Variants in ITGA1 observed in about 807,000 individuals in gnomAD.
The protein encoded by ITGA1 is integrin alpha-1.
Under a neutral mutation model 145.9 loss-of-function variants are expected in ITGA1, and 85 were observed. The observed-to-expected ratio is 0.58, with a 90% CI of 0.49 to 0.70. The LOEUF (loss-of-function observed/expected upper bound fraction) is 0.70. Among genes scored for constraint, ITGA1 ranks in the 30% least tolerant of loss-of-function variants. The pLI is 0.00. For missense variants in ITGA1, 1,351 were observed against 1,418.7 expected (o/e 0.95, Z 0.77); for synonymous variants, 520 against 495.3 (o/e 1.05, Z -0.66).
intron 28 of ITGA1, among the ~76,000 whole-genome samples, chr5:52,949,968 CTG>C (rs1751194044): frequency 6.6e-6 from 1 of 152,178 alleles, no homozygotes; most frequent in African/African-American, 2.4e-5. Context: ...GTCTGAGTCT[CTG>C]TGTAAGAGAC....
intron 15 of ITGA1, among the ~76,000 whole-genome samples, chr5:52,916,421 G>A (rs563537311): frequency 3.9e-5 from 6 of 152,132 alleles, no homozygotes; most frequent in South Asian, 4.2e-4. Context: ...ACTGTAATTC[G>A]GGTGGAAACA....
chr5:52,931,563 TA>T (rs1271968558), intron 21 of ITGA1: 1 of 152,302 alleles, frequency 6.6e-6, no homozygotes, highest in Non-Finnish European at 1.5e-5. Flanking sequence ...ATGGAAAGAC[TA>T]TTAAAGAAGA....
intron 7 of ITGA1, 42 bp downstream of exon 7, chr5:52,882,063 A>G (rs1749969822): frequency 6.8e-7 from 1 of 1,468,312 alleles, no homozygotes; most frequent in Non-Finnish European, 9.1e-7. Flanking sequence ...AGACTGCAAA[A>G]ATAACTGCTC....
At chr5:52,817,980 A>G (rs1748804547) in intron 1 of ITGA1, among the ~76,000 whole-genome samples, 1 of 152,188 alleles carries the variant, frequency 6.6e-6, no homozygotes, top group South Asian at 2.1e-4. Flanking sequence ...CACAGACAAT[A>G]GTAAATAATA....
chr5:52,898,408 A>C (rs1308211778), intron 11 of ITGA1, 25 bp downstream of exon 11: 3 of 1,558,450 alleles, frequency 1.9e-6, no homozygotes, highest in Non-Finnish European at 2.6e-6. Context: ...TAATTATAAA[A>C]GAGTTGTTTT....
At chr5:52,928,422 T>G (rs1372526079) in intron 20 of ITGA1, among the ~76,000 whole-genome samples, 1 of 152,174 alleles carries the variant, frequency 6.6e-6, no homozygotes, top group South Asian at 2.1e-4. Context: ...AATTGCCTTA[T>G]TGAGATATAA....
In ITGA1 at chr5:52,851,206, C is replaced by T. The variant is rs1045603548; in HGVS notation, c.182+1721C>T. 1.3e-5 allele frequency among the ~76,000 whole-genome samples: 2 copies of T among 151,956 alleles called. 1 individual carries two copies. The highest frequency in any genetic ancestry group is 4.2e-4 in the South Asian group (2 of 4,808). On this transcript the variant is annotated intron_variant, in intron 2 of 28. Transcript: ENST00000282588. ...TTTTCAATTTCTGATATCAGAAAAA[C>T]CTGTATGTTTTCTTTCTTATCCAGT...
At chr5:52,876,695 A>G (rs1749872582) in intron 6 of ITGA1, among the ~76,000 whole-genome samples, 1 of 152,232 alleles carries the variant, frequency 6.6e-6, no homozygotes, top group Admixed American at 6.5e-5. Flanking sequence ...AGAGAATATC[A>G]AAAGCCATGA....
chr5:52,824,279 T>C, intron 1 of ITGA1: 1 of 151,078 alleles, frequency 6.6e-6, no homozygotes, highest in Non-Finnish European at 1.5e-5. Flanking sequence ...AGAAGATTGT[T>C]CTCTCTTTTC....
chr5:52,910,068 G>A, intron 13 of ITGA1, 94 bp from the exon 14 acceptor site: 2 of 1,175,888 alleles, frequency 1.7e-6, no homozygotes, highest in Non-Finnish European at 2.4e-6. Flanking sequence ...TGTACAAATG[G>A]CTGTTAATAG....
At chr5:52,951,812 T>C (rs10471825) in intron 28 of ITGA1, among the ~76,000 whole-genome samples, 3,736 of 152,282 alleles carry the variant, frequency 0.025, 164 homozygotes, top group African/African-American at 0.085. Context: ...TCTCCCAAAA[T>C]ATTTTCCCAG....
rs544968285 is a variant in ITGA1 at position 52,924,988 on chromosome 5, A to G, written c.2404-290A>G. On this transcript the variant is annotated intron_variant, in intron 18 of 28. Coordinates refer to ENST00000282588, the MANE Select transcript of ITGA1 (RefSeq NM_181501.2). ...TAGATCTTGCAGTACTTGACTTTGT[A>G]TTTCAAAACTGTCCTTCCCTGGCAG... 6.6e-5 allele frequency among the ~76,000 whole-genome samples: 10 copies of G among 152,322 alleles called. No individual in the cohort carries two copies. In the East Asian group the frequency reaches 1.3e-3, roughly 21 times the overall value.
chr5:52,941,989 C>T, intron 26 of ITGA1, among the ~76,000 whole-genome samples: 1 of 152,142 alleles, frequency 6.6e-6, no homozygotes, highest in East Asian at 1.9e-4. Flanking sequence ...CATTCTTCTG[C>T]ATATGGCTAG....
At chr5:52,945,688 C>G (rs945109819) in intron 27 of ITGA1, among the ~76,000 whole-genome samples, 1 of 152,142 alleles carries the variant, frequency 6.6e-6, no homozygotes, top group Non-Finnish European at 1.5e-5. Flanking sequence ...TGATCTCCCC[C>G]CTTCTCATGG....
intron 18 of ITGA1, among the ~76,000 whole-genome samples, chr5:52,924,126 T>C (rs1750768692): frequency 6.6e-6 from 1 of 152,136 alleles, no homozygotes. Context: ...GAATTCTTTT[T>C]CCCCATACAC....
At chr5:52,836,919 A>T (rs1490039026) in intron 1 of ITGA1, among the ~76,000 whole-genome samples, 8 of 152,180 alleles carry the variant, frequency 5.3e-5, no homozygotes, top group Non-Finnish European at 1.2e-4. Context: ...GAAAATTTAA[A>T]GGCATTTTTA....
chr5:52,889,535 T>C (rs1018867170), intron 8 of ITGA1: 6 of 152,152 alleles, frequency 3.9e-5, no homozygotes, highest in Non-Finnish European at 7.3e-5. Context: ...AAACTATCAG[T>C]TTTTTAATCT....
At chr5:52,929,839 C>A in intron 21 of ITGA1, 138 bp downstream of exon 21, 1 of 485,810 alleles carries the variant, frequency 2.1e-6, no homozygotes, top group Non-Finnish European at 3.7e-6. Context: ...GGCAATTAAC[C>A]ACTTTGCTTC....
At chr5:52,874,835 A>G (rs1749840410) in intron 6 of ITGA1, among the ~76,000 whole-genome samples, 2 of 152,232 alleles carry the variant, frequency 1.3e-5, no homozygotes, top group African/African-American at 4.8e-5. Context: ...TCATAAATAT[A>G]ATGAAGGTGA....
Sources: gnomAD v4.1 joint callset for allele counts (sites outside exome capture counted in the v4.1 genomes callset) on GRCh38, gnomAD v4.1.1 for gene constraint, MANE v1.5 for transcripts, NCBI Gene and HGNC (gene_info 2026-07-23, HGNC 2026-07-21) for gene names.